GRM7: variants seen among roughly 807,000 people sequenced by gnomAD.
The protein encoded by GRM7 is metabotropic glutamate receptor 7.
A neutral mutation model predicts 84.5 loss-of-function variants in GRM7; 35 were observed. That is an observed-to-expected ratio of 0.41 (90% confidence interval 0.32 to 0.55). The LOEUF (loss-of-function observed/expected upper bound fraction) is 0.55. Ranked by LOEUF, GRM7 falls within the 20% of genes least tolerant of loss-of-function variation. GRM7 has a pLI of 0.19. For missense variants in GRM7, 1,003 were observed against 1,194.6 expected (o/e 0.84, Z 2.36); for synonymous variants, 487 against 455.1 (o/e 1.07, Z -0.89).
chr3:7,022,681 T>G (rs752492872), intron 1 of GRM7, among the ~76,000 whole-genome samples: 2 of 152,146 alleles, frequency 1.3e-5, no homozygotes, highest in Non-Finnish European at 2.9e-5. Flanking sequence ...TTTAACTTTT[T>G]TTTTGGAAGA....
chr3:7,502,571 CGT>C (rs560378193), intron 7 of GRM7, among the ~76,000 whole-genome samples: 2 of 151,846 alleles, frequency 1.3e-5, no homozygotes, highest in African/African-American at 2.4e-5. Flanking sequence ...TGTTAATTCT[CGT>C]GTGTGTGTGT....
intron 2 of GRM7, among the ~76,000 whole-genome samples, chr3:7,229,741 ATATATATATATATATATATTTT>A (rs1559514570): frequency 7.9e-5 from 3 of 38,080 alleles, no homozygotes; most frequent in Non-Finnish European, 1.5e-4. Context: ...ATATATATAT[ATATATATATATATATATATTTT>A]TTTTTTTTTT....
chr3:7,030,879 G>C (rs1043545476), intron 1 of GRM7, among the ~76,000 whole-genome samples: 1 of 152,104 alleles, frequency 6.6e-6, no homozygotes, highest in Admixed American at 6.5e-5. Flanking sequence ...AAATGATTCA[G>C]AATTAAGTTT....
chr3:7,409,691 C>T (rs1285642580), intron 4 of GRM7, among the ~76,000 whole-genome samples: 2 of 152,094 alleles, frequency 1.3e-5, no homozygotes, highest in East Asian at 1.9e-4. Context: ...ACCTCTGCCT[C>T]CTGGGTTCAA....
intron 1 of GRM7, among the ~76,000 whole-genome samples, chr3:6,981,666 A>G (rs1031654005): frequency 4.6e-5 from 7 of 152,134 alleles, no homozygotes; most frequent in African/African-American, 1.7e-4. Flanking sequence ...GAGGGAGAGA[A>G]CTGCTTGGTT....
intron 1 of GRM7, among the ~76,000 whole-genome samples, chr3:6,953,443 C>G (rs900229755): frequency 6.6e-6 from 1 of 152,194 alleles, no homozygotes; most frequent in Non-Finnish European, 1.5e-5. Flanking sequence ...CTCACCATCT[C>G]TTGACAAACA....
chr3:7,133,885 C>T (rs1693683858), intron 1 of GRM7, among the ~76,000 whole-genome samples: 1 of 152,046 alleles, frequency 6.6e-6, no homozygotes, highest in Non-Finnish European at 1.5e-5. Flanking sequence ...CTGATGGTTT[C>T]TGGGATACCA....
At chr3:7,431,320 A>G (rs925974118) in intron 5 of GRM7, among the ~76,000 whole-genome samples, 11 of 152,174 alleles carry the variant, frequency 7.2e-5, no homozygotes, top group African/African-American at 2.7e-4. Flanking sequence ...CCCAACCTAC[A>G]TATTGTATGA....
At position 7,151,084 on chromosome 3, in the gene GRM7, ATAAAG is replaced by A. The variant is rs1384579253; in HGVS notation, c.736+4420_736+4424del. 2.6e-5 allele frequency among the ~76,000 whole-genome samples: 4 copies of A among 152,184 alleles called. No homozygotes were observed. Among genetic ancestry groups the A allele is most frequent in the Non-Finnish European group, 4.4e-5 (3 of 68,018 alleles). ...ACATAGTTGTATTTCAATTGTTCTT[ATAAAG>A]TAATTATTATTATTCAGATAAACTC... On this transcript the variant is annotated intron_variant, in intron 2 of 9. Coordinates refer to ENST00000357716, the MANE Select transcript of GRM7 (RefSeq NM_000844.4). This position sits in a 1 kb window ranked among gnomAD's most constrained non-coding sequence, Gnocchi z 4.5.
At chr3:7,375,851 T>G (rs974075715) in intron 4 of GRM7, among the ~76,000 whole-genome samples, 2 of 152,158 alleles carry the variant, frequency 1.3e-5, no homozygotes, top group East Asian at 1.9e-4. Flanking sequence ...AGAGTGAGTC[T>G]CCAGCCTCTC....
intron 7 of GRM7, among the ~76,000 whole-genome samples, chr3:7,550,666 A>G (rs539085733): frequency 2.8e-5 from 4 of 144,596 alleles, no homozygotes; most frequent in South Asian, 2.2e-4. Context: ...ACATGAGCCA[A>G]CTGGGCTTCC....
chr3:7,082,948 G>A (rs933026353), intron 1 of GRM7, among the ~76,000 whole-genome samples: 3 of 152,162 alleles, frequency 2.0e-5, no homozygotes, highest in African/African-American at 7.2e-5. Flanking sequence ...GATGAGCAAA[G>A]AAAGTGACTT....
At position 6,984,649 on chromosome 3, in the gene GRM7, A is replaced by G. The variant is rs541308955; in HGVS notation, c.519+122742A>G. ...TGGCATCTACACATGCCTTTTAGTG[A>G]CACAGATGTTTTTCTGGATCTTGCA... On this transcript the variant is annotated intron_variant, in intron 1 of 9. Coordinates refer to ENST00000357716, the MANE Select transcript of GRM7 (RefSeq NM_000844.4). Among the ~76,000 whole-genome samples, 4 of 152,202 alleles carry G rather than the reference A, an allele frequency of 2.6e-5. No homozygotes were observed. In the East Asian group the frequency reaches 7.7e-4, roughly 29 times the overall value.
At chr3:7,310,452 T>C (rs895093797) in intron 4 of GRM7, among the ~76,000 whole-genome samples, 6 of 152,182 alleles carry the variant, frequency 3.9e-5, no homozygotes, top group Non-Finnish European at 5.9e-5. Context: ...AGATCTGAAC[T>C]AAAATATTCC....
chr3:7,052,034 C>G (rs953089096), intron 1 of GRM7, among the ~76,000 whole-genome samples: 4 of 151,536 alleles, frequency 2.6e-5, no homozygotes, highest in Non-Finnish European at 5.9e-5. Context: ...AATAAAATAA[C>G]AAATTATGTT....
At chr3:7,619,878 C>T (rs752829744) in intron 8 of GRM7, among the ~76,000 whole-genome samples, 1 of 152,126 alleles carries the variant, frequency 6.6e-6, no homozygotes, top group South Asian at 2.1e-4. Flanking sequence ...GGCCTTAATT[C>T]GGCATGATGA....
At chr3:7,521,803 A>C (rs1413183364) in intron 7 of GRM7, among the ~76,000 whole-genome samples, 1 of 152,114 alleles carries the variant, frequency 6.6e-6, no homozygotes, top group Non-Finnish European at 1.5e-5. Flanking sequence ...AGCCCTCCCA[A>C]GTAGACACGT....
intron 8 of GRM7, among the ~76,000 whole-genome samples, chr3:7,673,138 C>A (rs923648929): frequency 5.9e-5 from 9 of 152,060 alleles, no homozygotes; most frequent in Non-Finnish European, 1.3e-4. Flanking sequence ...TTACAGAGAC[C>A]ATCATTTGAT....
Position 7,053,940 on chromosome 3 carries a change from C to CATTTT in GRM7, c.520-92510_520-92509insTTTAT, listed in dbSNP as rs199601399. Among the ~76,000 whole-genome samples, 941 of 151,166 alleles carry CATTTT rather than the reference C, an allele frequency of 6.2e-3. 4 individuals are homozygous for CATTTT. The highest frequency in any genetic ancestry group is 0.019 in the Middle Eastern group (4 of 206). Reference sequence around the variant, plus strand: ...TTGGGATTATAATAAATCTGTAAATCATACAAACTCTTACTGTGACAATAT... The same window carrying CATTTT: ...TTGGGATTATAATAAATCTGTAAATCATTTTATACAAACTCTTACTGTGACAATAT... On this transcript the variant is annotated intron_variant, in intron 1 of 9. Transcript: ENST00000357716.
Sources: allele counts gnomAD v4.1 joint callset (sites outside exome capture counted in the v4.1 genomes callset), GRCh38; gene constraint gnomAD v4.1.1; non-coding constraint Gnocchi (gnomAD v3.1); transcripts MANE v1.5; gene names NCBI Gene and HGNC (gene_info 2026-07-23, HGNC 2026-07-21).